The following PON1 variants were observed in gnomAD, a reference collection of about 807,000 sequenced individuals.
The protein encoded by PON1 is serum paraoxonase/arylesterase 1.
Under a neutral mutation model 39.2 loss-of-function variants are expected in PON1, and 37 were observed. That is an observed-to-expected ratio of 0.94 (90% CI 0.73 to 1.24). The LOEUF is 1.24. Ranked by LOEUF, PON1 falls within the 50% of genes most tolerant of loss-of-function variation. The pLI, the probability that PON1 is intolerant of heterozygous loss-of-function variation, is 0.00. For missense variants in PON1, 397 were observed against 413.5 expected (o/e 0.96, Z 0.35); for synonymous variants, 148 against 152.2 (o/e 0.97, Z 0.21).
chr7:95,324,470 C>T lies in PON1; in HGVS notation c.6G>A (p.Ala2=), dbSNP rs753471724. Residue 2 remains alanine, a synonymous_variant, in exon 1 of 9, where the codon GCG becomes GCA. Transcript: ENST00000222381. Reference sequence around the variant, plus strand: ...CCAAGAGGGTGAGCGCAATCAGCTTCGCCATGGTCGGGGATAGACAAAGGG... The same window carrying T: ...CCAAGAGGGTGAGCGCAATCAGCTTTGCCATGGTCGGGGATAGACAAAGGG... M[A]KLIALTLLGM... 3 of 1,613,974 alleles carry T rather than the reference C, an allele frequency of 1.9e-6. No homozygotes were observed. Among genetic ancestry groups the T allele is most frequent in the East Asian group, 2.2e-5 (1 of 44,868 alleles).
Position 95,302,202 on chromosome 7 carries a change from T to TACC in PON1, c.909_909+2dup. On this transcript the variant is annotated splice_region_variant and intron_variant, in intron 8 of 8. Coordinates refer to ENST00000222381, the MANE Select transcript of PON1 (RefSeq NM_000446.7). The stretch of plus-strand genomic sequence containing the variant: ...ACTTATCTGGTTCATTTTTAAAACT[T>TACC]ACCTCTGATGCAGGAGGATTCTCTG... The TACC allele has an allele frequency of 1.2e-6, 2 of 1,608,610 alleles. No homozygotes were observed. Among genetic ancestry groups the TACC allele is most frequent in the Non-Finnish European group, 1.7e-6 (2 of 1,176,674 alleles).
At chr7:95,302,541 T>A (rs1035543115) in intron 7 of PON1, 2 of 560,050 alleles carry the variant, frequency 3.6e-6, no homozygotes, top group African/African-American at 3.8e-5. Flanking sequence ...CAGGGCAGAA[T>A]TGGGTAGGGT....
chr7:95,311,467 G>A lies in PON1; in HGVS notation c.481C>T (p.His161Tyr). 6.2e-7 allele frequency: 1 copy of A among 1,614,012 alleles called. No homozygotes were observed. The highest frequency in any genetic ancestry group is 8.5e-7 in the Non-Finnish European group (1 of 1,179,890). The change falls in exon 5 of 9, where the codon CAT becomes TAT. Residue 161 changes from histidine (H) to tyrosine (Y), a missense_variant. By Grantham distance (83) the His-to-Tyr change is moderately conservative. Transcript: ENST00000222381. ...TCTCAGTACTTAGGCAGAAGTTTAT[G>A]TCTGATGGTTTTTAGATGCAAAAGC... ...KSLLHLKTIR[H>Y]KLLPNLNDIV...
At chr7:95,309,958 T>C (rs1256366893) in intron 5 of PON1, among the ~76,000 whole-genome samples, 1 of 152,222 alleles carries the variant, frequency 6.6e-6, no homozygotes, top group Non-Finnish European at 1.5e-5. Flanking sequence ...CAGTCTCCAA[T>C]GCTGCCTAAG....
intron 1 of PON1, among the ~76,000 whole-genome samples, chr7:95,319,182 A>G (rs1187596560): frequency 6.7e-6 from 1 of 148,588 alleles, no homozygotes; most frequent in African/African-American, 2.5e-5. Context: ...CATAGCAAGT[A>G]GTGACAATTA....
At position 95,302,107 on chromosome 7, in the gene PON1, A is replaced by AAAAAAAAAAAAAAAC. The variant is rs1563594304; in HGVS notation, c.909+83_909+97dup. On this transcript the variant is annotated intron_variant, in intron 8 of 8. Transcript: ENST00000222381. ...GCGATACTCTGTCACAAAAAAAAAA[A>AAAAAAAAAAAAAAAC]AAAAAAAAAAAAAACCAAGAATTGA... 192 of 796,732 alleles carry AAAAAAAAAAAAAAAC rather than the reference A, an allele frequency of 2.4e-4. No homozygotes were observed. In the African/African-American group the frequency reaches 3.5e-3, roughly 14 times the overall value. The allele number at this position is 796,732 out of a possible 1,614,324, so 49.4% of individuals were successfully genotyped here.
intron 1 of PON1, among the ~76,000 whole-genome samples, chr7:95,322,219 A>G (rs1306354499): frequency 6.6e-6 from 1 of 151,694 alleles, no homozygotes; most frequent in African/African-American, 2.4e-5. Context: ...GAGATCACAT[A>G]TGACAGCTAT....
Position 95,311,461 on chromosome 7 carries a change from G to C in PON1, c.487C>G (p.Leu163Val). ...GATATATCTCAGTACTTAGGCAGAA[G>C]TTTATGTCTGATGGTTTTTAGATGC... ...LLHLKTIRHK[L>V]LPNLNDIVAV... is the part of the protein sequence containing the mutation. The change falls in exon 5 of 9, where the codon CTT (leucine) becomes GTT (valine). Residue 163 changes from leucine to valine, a missense_variant. Coordinates refer to ENST00000222381, the MANE Select transcript of PON1 (RefSeq NM_000446.7). 1 of 1,611,640 alleles carries C rather than the reference G, an allele frequency of 6.2e-7. No homozygotes were observed. The highest frequency in any genetic ancestry group is 8.5e-7 in the Non-Finnish European group (1 of 1,178,684).
intron 5 of PON1, among the ~76,000 whole-genome samples, chr7:95,309,561 G>T (rs1327614439): frequency 6.6e-6 from 1 of 152,050 alleles, no homozygotes; most frequent in Non-Finnish European, 1.5e-5. Context: ...TTTTTAAAGG[G>T]TAATAGAGTA....
rs758954122 is a variant in PON1, at chr7:95,306,277, C to T, written c.780+8G>A. 1.2e-4 allele frequency: 194 copies of T among 1,582,056 alleles called. No individual in the cohort carries two copies. Among genetic ancestry groups the T allele is most frequent in the Middle Eastern group, 3.3e-4 (2 of 6,024 alleles). ...ACTCTGCAGACTTACAGTGTTAATA[C>T]GTCTTACCTTCAATGGAGTTAAAGT... On this transcript the variant is annotated splice_region_variant and intron_variant, in intron 7 of 8. Coordinates refer to ENST00000222381, the MANE Select transcript of PON1 (RefSeq NM_000446.7).
chr7:95,316,484 C>A (rs1490863575), intron 3 of PON1, among the ~76,000 whole-genome samples: 1 of 152,052 alleles, frequency 6.6e-6, no homozygotes, highest in Non-Finnish European at 1.5e-5. Context: ...ACTGAACTCA[C>A]AAAAAAATTG....
chr7:95,315,931 T>C (rs1168724777), intron 3 of PON1, among the ~76,000 whole-genome samples: 1 of 152,216 alleles, frequency 6.6e-6, no homozygotes, highest in South Asian at 2.1e-4. Flanking sequence ...ACTACTCCTT[T>C]CTTAGCCTTC....
In PON1 at chr7:95,316,742, T is replaced by C. The variant is rs779685500; in HGVS notation, c.193A>G (p.Ile65Val). 2 of 1,613,378 alleles carry C rather than the reference T, an allele frequency of 1.2e-6. No individual in the cohort carries two copies. Among genetic ancestry groups the C allele is most frequent in the Admixed American group, 3.3e-5 (2 of 60,008 alleles). The change falls in exon 3 of 9, where the codon ATT (isoleucine) becomes GTT (valine). Residue 65 changes from isoleucine (I) to valine (V), a missense_variant. Coordinates refer to ENST00000222381, the MANE Select transcript of PON1 (RefSeq NM_000446.7). ...TGAAAGAAAACACTCACAGAGCTAA[T>C]GAAAGCCAGTCCATTAGGCAGTATC... Reference protein sequence around the residue: ...LEILPNGLAFISSGLKYPGIK... With the variant: ...LEILPNGLAFVSSGLKYPGIK...
chr7:95,317,181 CAATT>C (rs1807786537), intron 2 of PON1, among the ~76,000 whole-genome samples: 1 of 151,980 alleles, frequency 6.6e-6, no homozygotes, highest in Non-Finnish European at 1.5e-5. Flanking sequence ...ACTTCCAAAT[CAATT>C]AAACCCTTGG....
intron 7 of PON1, 134 bp downstream of exon 7, chr7:95,306,151 A>T (rs766095833): frequency 2.6e-6 from 2 of 755,998 alleles, no homozygotes; most frequent in Non-Finnish European, 4.7e-6. Context: ...CAAGCTAATG[A>T]CTCTTAATAA....
Position 95,306,301 on chromosome 7 carries a change from G to A in PON1, c.764C>T (p.Thr255Ile). The change falls in exon 7 of 9, where the codon ACT (threonine) becomes ATT (isoleucine). Residue 255 changes from threonine (T) to isoleucine (I), a missense_variant. Coordinates refer to ENST00000222381, the MANE Select transcript of PON1 (RefSeq NM_000446.7). ...ACGTCTTACCTTCAATGGAGTTAAA[G>A]TCCAATTAGCATGCTTTTCATACAC... ...IHVYEKHANW[T>I]LTPLKSLDFN... The A allele has an allele frequency of 6.2e-7, 1 of 1,610,248 alleles. No homozygotes were observed. Among genetic ancestry groups the A allele is most frequent in the South Asian group, 1.1e-5 (1 of 91,020 alleles).
chr7:95,306,425 G>GTA, intron 6 of PON1, 59 bp from the exon 7 acceptor site: 1 of 1,248,920 alleles, frequency 8.0e-7, no homozygotes, highest in Non-Finnish European at 1.2e-6. Context: ...GAGAGATTAA[G>GTA]ATGAAGTTGT....
rs993300766 is a variant in PON1, at chr7:95,311,679, A to T, written c.371-102T>A. 16 of 1,218,686 alleles carry T rather than the reference A, an allele frequency of 1.3e-5. No homozygotes were observed. The East Asian group carries it at 3.8e-4, about 29-fold the overall frequency. 75.5% of individuals were successfully genotyped at this position (1,218,686 alleles called of 1,614,324 possible). A position where few individuals can be genotyped will look rare whatever the true frequency, so the allele number is the denominator to read the frequency against. ...AACCCACCTCCAGCTAGTAGTTAGG[A>T]TGTCAGGCAGATGGAATATTTTCAT... On this transcript the variant is annotated intron_variant, in intron 4 of 8. Coordinates refer to ENST00000222381, the MANE Select transcript of PON1 (RefSeq NM_000446.7).
rs528764107 is a variant in PON1 at position 95,317,373 on chromosome 7, A to G, written c.146-584T>C. 2.0e-5 allele frequency among the ~76,000 whole-genome samples: 3 copies of G among 152,226 alleles called. No homozygotes were observed. The East Asian group carries it at 5.8e-4, about 29-fold the overall frequency. The stretch of plus-strand genomic sequence containing the variant: ...ATTTTTAACATTTCAATTTATCTAG[A>G]GAAAAATGAACTATTTGATAGGTAT... On this transcript the variant is annotated intron_variant, in intron 2 of 8. Coordinates refer to ENST00000222381, the MANE Select transcript of PON1 (RefSeq NM_000446.7).
Sources: gnomAD v4.1 joint callset for allele counts (sites outside exome capture counted in the v4.1 genomes callset) on GRCh38, gnomAD v4.1.1 for gene constraint, MANE v1.5 for transcripts, NCBI Gene and HGNC (gene_info 2026-07-23, HGNC 2026-07-21) for gene names.